The following TRDN variants were observed in gnomAD, a reference collection of about 807,000 sequenced individuals.
TRDN encodes triadin.
In TRDN, 161 loss-of-function variants were observed where a neutral mutation model predicts 149.7. The observed-to-expected ratio is 1.08, with a 90% confidence interval of 0.95 to 1.23. The LOEUF (loss-of-function observed/expected upper bound fraction) is 1.23. Among genes scored for constraint, TRDN ranks in the 50% most tolerant of loss-of-function variants. The pLI is 0.00. For synonymous variants in TRDN, 294 were observed against 250.5 expected (o/e 1.17, Z -1.64); for missense variants, 896 against 823.5 (o/e 1.09, Z -1.08).
chr6:123,366,061 A>G (rs1166368289), intron 20 of TRDN, 74 bp downstream of exon 20: 6 of 1,374,872 alleles, frequency 4.4e-6, no homozygotes, highest in Non-Finnish European at 6.1e-6. Context: ...TCTAAGCACA[A>G]AACAATACAT....
At chr6:123,408,973 T>C (rs796172266) in intron 12 of TRDN, among the ~76,000 whole-genome samples, 11 of 152,264 alleles carry the variant, frequency 7.2e-5, no homozygotes, top group African/African-American at 2.2e-4. Context: ...CTTTACAATA[T>C]ACTTAACATA....
intron 21 of TRDN, among the ~76,000 whole-genome samples, chr6:123,344,085 A>C (rs1032486376): frequency 1.4e-4 from 22 of 152,042 alleles, no homozygotes; most frequent in African/African-American, 5.3e-4. Flanking sequence ...TAGCAGCCTG[A>C]TTTTAGGCTT....
intron 14 of TRDN, among the ~76,000 whole-genome samples, chr6:123,382,406 T>G (rs1582946074): frequency 6.6e-6 from 1 of 151,472 alleles, no homozygotes; most frequent in East Asian, 1.9e-4. Context: ...TTGAAAAATA[T>G]AAAGGAAAAT....
At chr6:123,505,468 T>G (rs559411988) in intron 7 of TRDN, among the ~76,000 whole-genome samples, 4 of 152,028 alleles carry the variant, frequency 2.6e-5, no homozygotes, top group African/African-American at 9.7e-5. Context: ...AAAACACTGT[T>G]TCTCAGATAC....
At chr6:123,570,368 C>T (rs1345737914) in intron 2 of TRDN, among the ~76,000 whole-genome samples, 2 of 151,786 alleles carry the variant, frequency 1.3e-5, no homozygotes, top group Non-Finnish European at 1.5e-5. Flanking sequence ...TATCATTGAA[C>T]AAAAAATGAA....
At chr6:123,528,054 C>A (rs891853990) in intron 5 of TRDN, among the ~76,000 whole-genome samples, 2 of 151,568 alleles carry the variant, frequency 1.3e-5, no homozygotes, top group African/African-American at 4.8e-5. Context: ...AGGAAAATAT[C>A]GAACAAAATA....
chr6:123,478,860 T>C (rs898936596), intron 9 of TRDN, among the ~76,000 whole-genome samples: 4 of 152,198 alleles, frequency 2.6e-5, no homozygotes, highest in Admixed American at 2.6e-4. Context: ...AAACACTTTA[T>C]GCTCTCAGAG....
At chr6:123,538,058 T>A (rs1479468452) in intron 4 of TRDN, among the ~76,000 whole-genome samples, 1 of 152,150 alleles carries the variant, frequency 6.6e-6, no homozygotes, top group Non-Finnish European at 1.5e-5. Flanking sequence ...AAAAGAATAA[T>A]CTCTGTCATC....
chr6:123,499,721 T>TAA (rs1778614820), intron 8 of TRDN, among the ~76,000 whole-genome samples: 1 of 32,616 alleles, frequency 3.1e-5, no homozygotes, highest in Non-Finnish European at 7.0e-5. Context: ...AAAAAAAAAA[T>TAA]ATATATATAT....
At chr6:123,438,844 TA>T in intron 11 of TRDN, 99 bp downstream of exon 11, 2 of 902,938 alleles carry the variant, frequency 2.2e-6, no homozygotes, top group Non-Finnish European at 1.6e-6. Flanking sequence ...ACAATGCATT[TA>T]TTAAGGGAAT....
At chr6:123,336,120 A>ATT (rs79173054) in intron 22 of TRDN, among the ~76,000 whole-genome samples, 33 of 151,490 alleles carry the variant, frequency 2.2e-4, no homozygotes, top group South Asian at 1.3e-3. Context: ...TGCCAAATAG[A>ATT]TTTTTTTTTG....
chr6:123,512,114 C>T (rs1779212883), intron 7 of TRDN, among the ~76,000 whole-genome samples, 189 bp downstream of exon 7: 1 of 151,738 alleles, frequency 6.6e-6, no homozygotes, highest in South Asian at 2.1e-4. Context: ...TTTCCTCTCA[C>T]ATTATGAGAT....
intron 24 of TRDN, among the ~76,000 whole-genome samples, chr6:123,280,116 C>T (rs150112120): frequency 1.7e-3 from 261 of 152,132 alleles, no homozygotes; most frequent in African/African-American, 6.1e-3. Flanking sequence ...TAGCAAATCA[C>T]GGAGCTTATA....
intron 1 of TRDN, among the ~76,000 whole-genome samples, chr6:123,611,808 C>T (rs554863956): frequency 6.6e-6 from 1 of 152,144 alleles, no homozygotes; most frequent in African/African-American, 2.4e-5. Context: ...GGCATTCCAT[C>T]TAATTAGTTT....
chr6:123,502,221 T>C, intron 8 of TRDN: 1 of 981,928 alleles, frequency 1.0e-6, no homozygotes, highest in Non-Finnish European at 1.2e-6. Flanking sequence ...GCTGTTTTTT[T>C]ACCACAGTAA....
At chr6:123,474,733 C>A (rs1199231356) in intron 9 of TRDN, among the ~76,000 whole-genome samples, 16 of 151,976 alleles carry the variant, frequency 1.1e-4, no homozygotes, top group Non-Finnish European at 2.2e-4. Context: ...ATCTCTCAGA[C>A]CACAGTACAA....
intron 24 of TRDN, among the ~76,000 whole-genome samples, chr6:123,314,242 GA>G (rs1161477700): frequency 2.6e-5 from 4 of 151,802 alleles, no homozygotes; most frequent in East Asian, 1.9e-4. Context: ...ATAAGCATAT[GA>G]AAAAAAGGCT....
intron 2 of TRDN, among the ~76,000 whole-genome samples, chr6:123,553,753 A>T (rs933549191): frequency 6.6e-6 from 1 of 152,132 alleles, no homozygotes; most frequent in Admixed American, 6.5e-5. Context: ...AAACCATCAG[A>T]TCTCAGGAGA....
At chr6:123,416,008 A>G (rs1773634635) in intron 12 of TRDN, among the ~76,000 whole-genome samples, 1 of 152,184 alleles carries the variant, frequency 6.6e-6, no homozygotes, top group South Asian at 2.1e-4. Flanking sequence ...CAAATACTCC[A>G]GGATGGAGTA....
Sources: gnomAD v4.1 joint callset for allele counts (sites outside exome capture counted in the v4.1 genomes callset) on GRCh38, gnomAD v4.1.1 for gene constraint, MANE v1.5 for transcripts, NCBI Gene and HGNC (gene_info 2026-07-23, HGNC 2026-07-21) for gene names.